Variants in ZNF610 observed in about 807,000 individuals in gnomAD.
ZNF610 encodes zinc finger protein 610.
ZNF610 carries 14 observed loss-of-function variants against 14.1 expected under a neutral mutation model. The ratio of observed to expected loss-of-function variants is 0.99; its 90% CI spans 0.65 to 1.55. ZNF610 has a LOEUF of 1.55. Among genes scored for constraint, ZNF610 ranks in the 40% most tolerant of loss-of-function variants. The probability of loss-of-function intolerance (pLI) is 0.00; values close to 1 mark genes in which losing one functional copy is unlikely to be tolerated. For missense variants in ZNF610, 530 were observed against 558.0 expected, an observed-to-expected ratio of 0.95 and a Z score of 0.51; for synonymous variants, 185 against 187.6, an observed-to-expected ratio of 0.99 and a Z score of 0.11.
intron 5 of ZNF610, among the ~76,000 whole-genome samples, chr19:52,363,985 T>G (rs938169871): frequency 1.3e-5 from 2 of 152,222 alleles, no homozygotes; most frequent in Non-Finnish European, 2.9e-5. Flanking sequence ...CATGCTTTGA[T>G]CCCCTTCTCA....
chr19:52,333,263 T>G (rs2122148877), upstream of ZNF610, among the ~76,000 whole-genome samples: 1 of 152,312 alleles, frequency 6.6e-6, no homozygotes, highest in East Asian at 1.9e-4. Flanking sequence ...AAGCCGAAAC[T>G]GCGCAGCCAA....
At position 52,346,031 on chromosome 19, in the gene ZNF610, C is replaced by T. The variant is rs144784232; in HGVS notation, c.-257-1676C>T. On this transcript the variant is annotated intron_variant, in intron 1 of 5. Transcript: ENST00000403906. Reference sequence around the variant, plus strand: ...TTTTATTTTTTGAGACAGAGTCTCACTCTGTCACCCAGGCTGGAATGTAGT... The same window carrying T: ...TTTTATTTTTTGAGACAGAGTCTCATTCTGTCACCCAGGCTGGAATGTAGT... 1.0e-3 allele frequency among the ~76,000 whole-genome samples: 155 copies of T among 151,190 alleles called. 14 individuals carry two copies. Among genetic ancestry groups the T allele is most frequent in the African/African-American group, 3.8e-3 (154 of 40,672 alleles).
At chr19:52,359,347 C>T (rs553815075) in intron 5 of ZNF610, among the ~76,000 whole-genome samples, 5 of 152,224 alleles carry the variant, frequency 3.3e-5, no homozygotes, top group East Asian at 1.9e-4. Flanking sequence ...AAATTTTTCC[C>T]GTCCTTGTTA....
chr19:52,361,241 C>T (rs948856400), intron 5 of ZNF610, among the ~76,000 whole-genome samples: 18 of 151,190 alleles, frequency 1.2e-4, no homozygotes, highest in African/African-American at 3.9e-4. Context: ...TGCACTGGCG[C>T]GATCTCGGCT....
chr19:52,338,778 A>C (rs1600228553), intron 1 of ZNF610, among the ~76,000 whole-genome samples: 1 of 152,060 alleles, frequency 6.6e-6, no homozygotes, highest in Non-Finnish European at 1.5e-5. Context: ...TTGGCTCACC[A>C]CTGAAGGGGT....
chr19:52,359,001 C>T (rs983420023), intron 5 of ZNF610, among the ~76,000 whole-genome samples: 4 of 152,178 alleles, frequency 2.6e-5, no homozygotes, highest in Admixed American at 6.5e-5. Flanking sequence ...AGTCCATTGG[C>T]TTATATGTCT....
At position 52,366,277 on chromosome 19, in the gene ZNF610, GT is replaced by G; in HGVS notation, c.901del (p.Ser301ArgfsTer8). On this transcript the variant is annotated frameshift_variant, in exon 6 of 6. Coordinates refer to ENST00000403906, the MANE Select transcript of ZNF610 (RefSeq NM_001161425.2). LOFTEE classifies it low-confidence loss of function (END_TRUNC). Reference sequence around the variant, plus strand: ...GAATGTGGCAAAGCTTTTAGAGAGTGTTCGGGACTTACTACCCATCTTGTAA... The same window carrying G: ...GAATGTGGCAAAGCTTTTAGAGAGTGTCGGGACTTACTACCCATCTTGTAA... ...CNECGKAFRE[C>X]SGLTTHLVIH... is the part of the protein sequence containing the mutation. 6.2e-7 allele frequency: 1 copy of G among 1,613,246 alleles called. No homozygotes were observed. Among genetic ancestry groups the G allele is most frequent in the Non-Finnish European group, 8.5e-7 (1 of 1,179,404 alleles).
chr19:52,355,054 C>A (rs966443135), intron 5 of ZNF610, among the ~76,000 whole-genome samples: 8 of 152,296 alleles, frequency 5.3e-5, no homozygotes, highest in African/African-American at 1.9e-4. Context: ...GGTGTTGCCA[C>A]CCAGAGACAA....
In ZNF610 at chr19:52,336,815, G is replaced by A. The variant is rs182974966; in HGVS notation, c.-258+309G>A. ...GCAGCCATCGCTACTCCCGACCCCCGGGTGTGGGGACGTGACTTCTTCTGT... is the reference window on the plus strand; with the variant it reads ...GCAGCCATCGCTACTCCCGACCCCCAGGTGTGGGGACGTGACTTCTTCTGT... On this transcript the variant is annotated intron_variant, in intron 1 of 5. Coordinates refer to ENST00000403906, the MANE Select transcript of ZNF610 (RefSeq NM_001161425.2). Among the ~76,000 whole-genome samples the A allele has an allele frequency of 5.9e-5, 9 of 152,252 alleles. No individual in the cohort carries two copies. The East Asian group carries it at 1.7e-3, about 30-fold the overall frequency.
chr19:52,362,800 A>G (rs748156843), intron 5 of ZNF610, among the ~76,000 whole-genome samples: 1 of 152,156 alleles, frequency 6.6e-6, no homozygotes, highest in Non-Finnish European at 1.5e-5. Context: ...AATGTTTAAA[A>G]GATTGTTTTG....
intron 5 of ZNF610, among the ~76,000 whole-genome samples, chr19:52,357,644 C>CAAA (rs71180445): frequency 5.2e-5 from 3 of 57,526 alleles, no homozygotes; most frequent in Non-Finnish European, 6.0e-5. Flanking sequence ...GCCTCCATCT[C>CAAA]AAAAAAAAAA....
intron 5 of ZNF610, among the ~76,000 whole-genome samples, chr19:52,365,198 C>T (rs1985959604): frequency 1.3e-5 from 2 of 150,344 alleles, no homozygotes; most frequent in South Asian, 2.1e-4. Context: ...GGTGGTGCCA[C>T]TGCACTCCAG....
intron 1 of ZNF610, among the ~76,000 whole-genome samples, chr19:52,344,323 C>T (rs907822514): frequency 1.3e-5 from 2 of 152,176 alleles, no homozygotes; most frequent in East Asian, 1.9e-4. Context: ...TCTGTGACCC[C>T]CCCATAGCCC....
At chr19:52,359,926 A>G (rs933354046) in intron 5 of ZNF610, among the ~76,000 whole-genome samples, 2 of 152,136 alleles carry the variant, frequency 1.3e-5, no homozygotes, top group African/African-American at 4.8e-5. Flanking sequence ...ACTCACAGAA[A>G]CACTTACTTA....
chr19:52,340,826 A>G (rs1272355899), intron 1 of ZNF610, among the ~76,000 whole-genome samples: 1 of 151,978 alleles, frequency 6.6e-6, no homozygotes, highest in Non-Finnish European at 1.5e-5. Flanking sequence ...GACTACAGGC[A>G]CACGCCACCA....
chr19:52,346,153 T>C (rs148569889), intron 1 of ZNF610, among the ~76,000 whole-genome samples: 3,130 of 150,490 alleles, frequency 0.021, 241 homozygotes, highest in African/African-American at 0.066. Context: ...TGCCTGCCAC[T>C]ACACCCGGCT....
intron 5 of ZNF610, among the ~76,000 whole-genome samples, chr19:52,358,828 T>A (rs1985651684): frequency 6.6e-6 from 1 of 152,238 alleles, no homozygotes; most frequent in South Asian, 2.1e-4. Context: ...AATTTTTGCA[T>A]ACGGTGTAAT....
At chr19:52,339,601 G>C (rs564766818) in intron 1 of ZNF610, among the ~76,000 whole-genome samples, 1 of 147,920 alleles carries the variant, frequency 6.8e-6, no homozygotes, top group Non-Finnish European at 1.5e-5. Context: ...CAGGGTTGGG[G>C]CTAGGGTTAC....
At chr19:52,337,324 T>G (rs1984433804) in intron 1 of ZNF610, among the ~76,000 whole-genome samples, 3 of 147,340 alleles carry the variant, frequency 2.0e-5, no homozygotes, top group East Asian at 2.0e-4. Flanking sequence ...GGCCAGAGAG[T>G]GGGGACAAGA....
Sources: allele counts gnomAD v4.1 joint callset (sites outside exome capture counted in the v4.1 genomes callset), GRCh38; gene constraint gnomAD v4.1.1; transcripts MANE v1.5; gene names NCBI Gene and HGNC (gene_info 2026-07-23, HGNC 2026-07-21).